The following CNOT6L variants were observed in gnomAD, a reference collection of about 807,000 sequenced individuals.
CNOT6L encodes CCR4-NOT transcription complex subunit 6-like.
CNOT6L carries 7 observed loss-of-function variants against 64.0 expected under a neutral mutation model. The observed-to-expected ratio is 0.11, with a 90% confidence interval of 0.06 to 0.21. The LOEUF (loss-of-function observed/expected upper bound fraction) is 0.21, where lower values mean the gene tolerates loss of function less well. Ranked by LOEUF, CNOT6L falls within the 10% of genes least tolerant of loss-of-function variation. CNOT6L has a pLI of 1.00. For missense variants in CNOT6L, 245 were observed against 669.0 expected (o/e 0.37, Z 6.99); for synonymous variants, 193 against 243.4 (o/e 0.79, Z 1.93).
chr4:77,801,174 CA>C (rs1345948870), intron 1 of CNOT6L, among the ~76,000 whole-genome samples: 1 of 152,106 alleles, frequency 6.6e-6, no homozygotes, highest in Non-Finnish European at 1.5e-5. Flanking sequence ...TACGTGAAAG[CA>C]AAAACCAGCC....
chr4:77,741,824 G>C (rs573069958), intron 8 of CNOT6L, among the ~76,000 whole-genome samples: 2 of 151,838 alleles, frequency 1.3e-5, no homozygotes, highest in South Asian at 4.2e-4. Context: ...AACCTTAAAA[G>C]GTATCACTTT....
chr4:77,768,136 C>T (rs995893700), intron 4 of CNOT6L, among the ~76,000 whole-genome samples: 3 of 151,938 alleles, frequency 2.0e-5, no homozygotes, highest in Non-Finnish European at 4.4e-5. Flanking sequence ...GTACTAACTA[C>T]AAGAGAAAAG....
At chr4:77,779,290 C>T (rs1345342463) in intron 1 of CNOT6L, among the ~76,000 whole-genome samples, 1 of 151,982 alleles carries the variant, frequency 6.6e-6, no homozygotes, top group African/African-American at 2.4e-5. Context: ...CTGCCACCTT[C>T]CTCCCTTCCT....
At chr4:77,792,892 G>A (rs1730332313) in intron 1 of CNOT6L, among the ~76,000 whole-genome samples, 1 of 151,392 alleles carries the variant, frequency 6.6e-6, no homozygotes, top group African/African-American at 2.4e-5. Flanking sequence ...CCCCTCAGGA[G>A]ACATTTGGCA....
intron 1 of CNOT6L, among the ~76,000 whole-genome samples, chr4:77,779,624 TA>T (rs1728618956): frequency 6.6e-6 from 1 of 152,064 alleles, no homozygotes; most frequent in South Asian, 2.1e-4. Flanking sequence ...ACTGCCATAT[TA>T]GGGGTCAGAG....
intron 5 of CNOT6L, 52 bp downstream of exon 5, chr4:77,756,809 CT>C: frequency 1.8e-6 from 2 of 1,088,888 alleles, no homozygotes; most frequent in Non-Finnish European, 2.7e-6. Flanking sequence ...CATATATTAG[CT>C]AGTTCATAAT....
intron 10 of CNOT6L, among the ~76,000 whole-genome samples, chr4:77,727,740 G>A (rs943428567): frequency 1.3e-5 from 2 of 152,110 alleles, no homozygotes; most frequent in Non-Finnish European, 2.9e-5. Context: ...CAAATACAAT[G>A]GGAGAAAAAC....
rs537780371 is a variant in CNOT6L at position 77,814,152 on chromosome 4, T to A, written c.5+5152A>T. Among the ~76,000 whole-genome samples the A allele has an allele frequency of 2.3e-3, 356 of 152,316 alleles. 2 individuals carry two copies. The highest frequency in any genetic ancestry group is 4.4e-3 in the Non-Finnish European group (297 of 68,016). On this transcript the variant is annotated intron_variant, in intron 1 of 11. Coordinates refer to ENST00000504123, the MANE Select transcript of CNOT6L (RefSeq NM_144571.3). ...CGACCATATATTAAGATTGCATTTG[T>A]ACAAAATGTCCAAAATTGGCCAAAT...
chr4:77,772,087 CTAGAA>C (rs1468123984), intron 4 of CNOT6L, among the ~76,000 whole-genome samples: 2 of 152,170 alleles, frequency 1.3e-5, no homozygotes, highest in African/African-American at 4.8e-5. Context: ...AACACGTTAC[CTAGAA>C]TAATTTACTT....
At chr4:77,766,756 A>G (rs1726873633) in intron 4 of CNOT6L, among the ~76,000 whole-genome samples, 1 of 151,684 alleles carries the variant, frequency 6.6e-6, no homozygotes, top group South Asian at 2.1e-4. Flanking sequence ...AAAAAAGAAG[A>G]AAAAACCTTA....
chr4:77,769,994 T>C (rs1727345093), intron 4 of CNOT6L, among the ~76,000 whole-genome samples: 2 of 152,214 alleles, frequency 1.3e-5, no homozygotes, highest in Non-Finnish European at 2.9e-5. Context: ...CTTCTACTTA[T>C]GCCTTTTCTT....
chr4:77,750,437 C>T (rs550861507), intron 5 of CNOT6L, among the ~76,000 whole-genome samples: 4 of 152,192 alleles, frequency 2.6e-5, no homozygotes, highest in African/African-American at 7.2e-5. Context: ...CTGCAAGTTC[C>T]GCCTCCCGGG....
At chr4:77,736,471 T>C (rs372973739) in intron 8 of CNOT6L, among the ~76,000 whole-genome samples, 56 of 152,324 alleles carry the variant, frequency 3.7e-4, no homozygotes, top group Middle Eastern at 3.4e-3. Context: ...CTATCCCTAC[T>C]ACCTTAACAA....
At chr4:77,819,756 G>C (rs1338952893), upstream of CNOT6L, 1 of 151,996 alleles carries the variant, frequency 6.6e-6, no homozygotes, top group African/African-American at 2.4e-5. Context: ...CGGCCGGAGG[G>C]GATGCGGGGC....
At chr4:77,723,955 G>A (rs1390576424) in intron 11 of CNOT6L, among the ~76,000 whole-genome samples, 1 of 152,086 alleles carries the variant, frequency 6.6e-6, no homozygotes, top group Non-Finnish European at 1.5e-5. Context: ...GGACAAGGAA[G>A]AAGTAAGCTT....
At chr4:77,742,569 A>G in intron 7 of CNOT6L, 1 of 436,576 alleles carries the variant, frequency 2.3e-6, no homozygotes, top group Non-Finnish European at 4.2e-6. Flanking sequence ...TTCCCAATTT[A>G]CAGTTCACTC....
intron 5 of CNOT6L, among the ~76,000 whole-genome samples, chr4:77,750,173 T>A (rs1167947236): frequency 6.6e-6 from 1 of 152,230 alleles, no homozygotes; most frequent in African/African-American, 2.4e-5. Flanking sequence ...TCTGCTGGTA[T>A]AATTTTTGTA....
intron 8 of CNOT6L, among the ~76,000 whole-genome samples, chr4:77,738,185 CTATGA>C (rs1214164347): frequency 2.0e-5 from 3 of 152,150 alleles, no homozygotes; most frequent in African/African-American, 7.2e-5. Context: ...GTTCCCAATC[CTATGA>C]TAAGAGATTG....
Position 77,819,139 on chromosome 4 carries a change from G to A in CNOT6L, c.5+165C>T, listed in dbSNP as rs1429944541. 9.4e-6 allele frequency: 12 copies of A among 1,274,348 alleles called. No homozygotes were observed. In the South Asian group the frequency reaches 1.0e-4, roughly 11 times the overall value. 78.9% of individuals were successfully genotyped at this position (1,274,348 alleles called of 1,614,324 possible). A position where few individuals can be genotyped will look rare whatever the true frequency, so the allele number is the denominator to read the frequency against. On this transcript the variant is annotated intron_variant, in intron 1 of 11. Coordinates refer to ENST00000504123, the MANE Select transcript of CNOT6L (RefSeq NM_144571.3). ...GCCCCGCCGCCCCCTCCAGTCACCC[G>A]ACACACACCCACTCGCCGTGGGTCC...
Sources: allele counts gnomAD v4.1 joint callset (sites outside exome capture counted in the v4.1 genomes callset), GRCh38; gene constraint gnomAD v4.1.1; transcripts MANE v1.5; gene names NCBI Gene and HGNC (gene_info 2026-07-23, HGNC 2026-07-21).